The following ASAP1 variants were observed in gnomAD, a reference collection of about 807,000 sequenced individuals.
The protein encoded by ASAP1 is arf-GAP with SH3 domain, ANK repeat and PH domain-containing protein 1.
A neutral mutation model predicts 145.2 loss-of-function variants in ASAP1; 43 were observed. The observed-to-expected ratio is 0.30, with a 90% CI of 0.23 to 0.38. The LOEUF (loss-of-function observed/expected upper bound fraction) is 0.38, where lower values mean the gene tolerates loss of function less well. Ranked by LOEUF, ASAP1 falls within the 10% of genes least tolerant of loss-of-function variation. The pLI, the probability that ASAP1 is intolerant of heterozygous loss-of-function variation, is 1.00. For missense variants in ASAP1, 1,018 were observed against 1,355.3 expected, an observed-to-expected ratio of 0.75 and a Z score of 3.91; for synonymous variants, 546 against 515.5, an observed-to-expected ratio of 1.06 and a Z score of -0.80.
chr8:130,152,425 G>A (rs1313579330), intron 13 of ASAP1, among the ~76,000 whole-genome samples: 10 of 152,060 alleles, frequency 6.6e-5, no homozygotes, highest in African/African-American at 2.2e-4. Context: ...GCAAAGAACA[G>A]CCTGTCATCT....
chr8:130,420,198 A>G (rs1349950472), intron 1 of ASAP1, among the ~76,000 whole-genome samples: 1 of 151,720 alleles, frequency 6.6e-6, no homozygotes, highest in Non-Finnish European at 1.5e-5. Flanking sequence ...CCACAGTAAG[A>G]TAAAACCTCA....
intron 9 of ASAP1, among the ~76,000 whole-genome samples, chr8:130,176,389 T>C (rs1813954073): frequency 1.3e-5 from 2 of 152,250 alleles, no homozygotes; most frequent in African/African-American, 4.8e-5. Flanking sequence ...AGGAAACTAC[T>C]CTGGCTTCTT....
At chr8:130,236,032 T>C (rs1433458480) in intron 4 of ASAP1, among the ~76,000 whole-genome samples, 2 of 152,002 alleles carry the variant, frequency 1.3e-5, no homozygotes, top group Non-Finnish European at 2.9e-5. Flanking sequence ...GAAGGAGAAA[T>C]AACCAGCTCA....
At chr8:130,117,592 A>C (rs1258285515) in intron 20 of ASAP1, among the ~76,000 whole-genome samples, 1 of 152,238 alleles carries the variant, frequency 6.6e-6, no homozygotes, top group East Asian at 1.9e-4. Flanking sequence ...AGAATAAAGA[A>C]TCCAGCAAGT....
At chr8:130,105,035 G>C (rs1564963104) in intron 24 of ASAP1, among the ~76,000 whole-genome samples, 1 of 151,880 alleles carries the variant, frequency 6.6e-6, no homozygotes, top group Non-Finnish European at 1.5e-5. Flanking sequence ...CTTTCTAATA[G>C]TTTTCTTTTT....
chr8:130,136,062 T>C (rs1003514596), intron 14 of ASAP1, among the ~76,000 whole-genome samples: 9 of 152,210 alleles, frequency 5.9e-5, no homozygotes, highest in Non-Finnish European at 1.3e-4. Context: ...TGGGCTGTGA[T>C]AGAGAAGGAA....
chr8:130,078,770 T>C (rs1390631925), intron 26 of ASAP1, among the ~76,000 whole-genome samples: 1 of 151,248 alleles, frequency 6.6e-6, no homozygotes, highest in Non-Finnish European at 1.5e-5. Context: ...ACAAGTAGGC[T>C]GGAGAGCTGG....
chr8:130,273,290 CTCTT>C (rs1396858266), intron 3 of ASAP1, among the ~76,000 whole-genome samples: 1 of 152,106 alleles, frequency 6.6e-6, no homozygotes, highest in African/African-American at 2.4e-5. Context: ...TATGCTAAAT[CTCTT>C]TCCTTTCTGA....
At chr8:130,097,797 A>G (rs1303124553) in intron 24 of ASAP1, among the ~76,000 whole-genome samples, 2 of 152,168 alleles carry the variant, frequency 1.3e-5, no homozygotes, top group East Asian at 3.9e-4. Context: ...CTTCTCACTG[A>G]AGCTCCCTTA....
intron 14 of ASAP1, among the ~76,000 whole-genome samples, chr8:130,135,858 A>C (rs2097593309): frequency 6.6e-6 from 1 of 152,204 alleles, no homozygotes. Context: ...TGGTCATGAA[A>C]ATCACAGGGA....
In ASAP1 at chr8:130,282,492, T is replaced by C. The variant is rs1342993345; in HGVS notation, c.187-45498A>G. Reference sequence around the variant, plus strand: ...TAAGGTTCACCAATTGCAATACGACTGTTACCATCTGCACTCCACGTGGAT... The same window carrying C: ...TAAGGTTCACCAATTGCAATACGACCGTTACCATCTGCACTCCACGTGGAT... On this transcript the variant is annotated intron_variant, in intron 3 of 29. Transcript: ENST00000518721. Among the ~76,000 whole-genome samples, 3 of 152,234 alleles carry C rather than the reference T, an allele frequency of 2.0e-5. No individual in the cohort carries two copies. In the South Asian group the frequency reaches 6.2e-4, roughly 31 times the overall value.
At chr8:130,213,809 TG>T (rs1217600588) in intron 5 of ASAP1, among the ~76,000 whole-genome samples, 1 of 152,142 alleles carries the variant, frequency 6.6e-6, no homozygotes, top group African/African-American at 2.4e-5. Flanking sequence ...TCCGTCCAGG[TG>T]GTGTTACCCA....
chr8:130,229,603 T>C (rs1003447627), intron 4 of ASAP1, among the ~76,000 whole-genome samples: 1 of 152,276 alleles, frequency 6.6e-6, no homozygotes, highest in Middle Eastern at 3.4e-3. Flanking sequence ...AAAAGCACAA[T>C]GGACTCTACC....
chr8:130,222,106 G>C (rs555378820), intron 4 of ASAP1, among the ~76,000 whole-genome samples: 1 of 152,242 alleles, frequency 6.6e-6, no homozygotes, highest in Non-Finnish European at 1.5e-5. Context: ...TATATCCCTA[G>C]GCGTTGGCAA....
chr8:130,191,993 G>A (rs969999436), intron 5 of ASAP1, among the ~76,000 whole-genome samples: 1 of 151,774 alleles, frequency 6.6e-6, no homozygotes, highest in Admixed American at 6.6e-5. Context: ...CACACCGGAA[G>A]GTTTCCCAAT....
At chr8:130,200,450 G>T (rs761475011) in intron 5 of ASAP1, among the ~76,000 whole-genome samples, 1 of 152,006 alleles carries the variant, frequency 6.6e-6, no homozygotes, top group African/African-American at 2.4e-5. Context: ...CTAAGCAAAG[G>T]TTCTTAGGCT....
intron 23 of ASAP1, among the ~76,000 whole-genome samples, chr8:130,113,642 A>G (rs1334192756): frequency 2.0e-5 from 3 of 152,260 alleles, no homozygotes; most frequent in Non-Finnish European, 4.4e-5. Context: ...ACTGCTTATA[A>G]GGAAAACTCA....
chr8:130,189,579 G>A (rs1183672344), intron 5 of ASAP1, among the ~76,000 whole-genome samples: 2 of 152,046 alleles, frequency 1.3e-5, no homozygotes, highest in African/African-American at 2.4e-5. Context: ...GGTTGATTCC[G>A]TATCTTGGCT....
chr8:130,394,458 A>C lies in ASAP1; in HGVS notation c.59+7427T>G, dbSNP rs191677387. On this transcript the variant is annotated intron_variant, in intron 2 of 29. Coordinates refer to ENST00000518721, the MANE Select transcript of ASAP1 (RefSeq NM_018482.4). ...ACCGGTTGCTCTCAAACATGTTATC[A>C]ATGACAATGGTGCCCAAAACTTTAT... Among the ~76,000 whole-genome samples the C allele has an allele frequency of 2.2e-4, 33 of 152,274 alleles. No homozygotes were observed. The East Asian group carries it at 6.0e-3, about 28-fold the overall frequency.
Sources: gnomAD v4.1 joint callset for allele counts (sites outside exome capture counted in the v4.1 genomes callset) on GRCh38, gnomAD v4.1.1 for gene constraint, MANE v1.5 for transcripts, NCBI Gene and HGNC (gene_info 2026-07-23, HGNC 2026-07-21) for gene names.